GPR89B: variants seen among roughly 807,000 people sequenced by gnomAD.
The protein encoded by GPR89B is G protein-coupled receptor 89B.
A neutral mutation model predicts 52.4 loss-of-function variants in GPR89B; 25 were observed. The ratio of observed to expected loss-of-function variants is 0.48; its 90% CI spans 0.35 to 0.67. GPR89B has a LOEUF of 0.67. Ranked by LOEUF, GPR89B falls within the 30% of genes least tolerant of loss-of-function variation. The pLI is 0.01. For synonymous variants in GPR89B, 52 were observed against 151.2 expected, an observed-to-expected ratio of 0.34 and a Z score of 4.81; for missense variants, 146 against 450.2, an observed-to-expected ratio of 0.32 and a Z score of 6.11.
At chr1:147,944,857 TA>T (rs1434451029) in intron 5 of GPR89B, among the ~76,000 whole-genome samples, 1 of 151,016 alleles carries the variant, frequency 6.6e-6, no homozygotes, top group African/African-American at 2.4e-5. Flanking sequence ...CCATCTGTAA[TA>T]AATATACTAC....
chr1:148,004,808 A>C, the GPR89B span, among the ~76,000 whole-genome samples: 1 of 49,964 alleles, frequency 2.0e-5, no homozygotes, highest in Non-Finnish European at 4.0e-5. Flanking sequence ...GCACTTTGGG[A>C]GGCCAAGGCG....
the GPR89B span, chr1:148,009,250 G>C: frequency 2.0e-6 from 3 of 1,470,824 alleles, no homozygotes; most frequent in African/African-American, 2.8e-5. Flanking sequence ...AAAGTCAGTC[G>C]AAGAAAAGTC....
chr1:148,013,719 A>C, the GPR89B span, among the ~76,000 whole-genome samples: 1 of 152,058 alleles, frequency 6.6e-6, no homozygotes, highest in East Asian at 1.9e-4. Flanking sequence ...GAGAAGCAGC[A>C]AGGGAAGGGG....
At chr1:147,982,008 G>A (rs1381564204) in intron 10 of GPR89B, among the ~76,000 whole-genome samples, 2 of 151,654 alleles carry the variant, frequency 1.3e-5, no homozygotes, top group Non-Finnish European at 2.9e-5. Context: ...TGTATATCTA[G>A]GGGTAGAATT....
At chr1:147,968,854 T>C in intron 8 of GPR89B, 21 bp from the exon 9 acceptor site, 3 of 1,613,194 alleles carry the variant, frequency 1.9e-6, no homozygotes, top group Non-Finnish European at 2.5e-6. Context: ...GATTAAAACC[T>C]TGATGCCCAT....
chr1:147,940,174 C>G (rs1201876511), intron 3 of GPR89B, among the ~76,000 whole-genome samples: 2 of 151,930 alleles, frequency 1.3e-5, no homozygotes, highest in Non-Finnish European at 2.9e-5. Flanking sequence ...GAGGCCAAGG[C>G]GGGCGGATCA....
At chr1:147,988,608 T>C (rs1658838685) in intron 12 of GPR89B, 87 bp downstream of exon 12, 1 of 656,806 alleles carries the variant, frequency 1.5e-6, no homozygotes, top group Non-Finnish European at 2.7e-6. Context: ...CTCACGCCTG[T>C]AATCCCAACA....
At chr1:147,961,413 T>G (rs1323198862) in intron 7 of GPR89B, among the ~76,000 whole-genome samples, 1 of 151,986 alleles carries the variant, frequency 6.6e-6, no homozygotes, top group Non-Finnish European at 1.5e-5. Flanking sequence ...AGAGAAAATC[T>G]TGAAAGCAAC....
At chr1:148,007,416 T>G in the GPR89B span, among the ~76,000 whole-genome samples, 1 of 151,982 alleles carries the variant, frequency 6.6e-6, no homozygotes, top group Non-Finnish European at 1.5e-5. Flanking sequence ...TTGTACATAT[T>G]TATAGGGTGT....
chr1:147,941,099 G>A lies in GPR89B; in HGVS notation c.206+2282G>A, dbSNP rs375015818. Among the ~76,000 whole-genome samples, 1,169 of 150,822 alleles carry A rather than the reference G, an allele frequency of 7.8e-3. 24 individuals carry two copies. The highest frequency in any genetic ancestry group is 0.046 in the East Asian group (238 of 5,122). On this transcript the variant is annotated intron_variant, in intron 3 of 13. Transcript: ENST00000314163. Reference sequence around the variant, plus strand: ...CTGTCCATTGACTGGACTCAGAATCGTTTTGAAAAGAGAATCTTGGCCAGA... The same window carrying A: ...CTGTCCATTGACTGGACTCAGAATCATTTTGAAAAGAGAATCTTGGCCAGA...
At chr1:148,013,768 A>G in the GPR89B span, among the ~76,000 whole-genome samples, 11 of 151,970 alleles carry the variant, frequency 7.2e-5, no homozygotes, top group Admixed American at 7.2e-4. Flanking sequence ...CCTGGGGTTA[A>G]GAGACGTGCA....
chr1:147,939,859 G>A (rs1174735551), intron 3 of GPR89B, among the ~76,000 whole-genome samples: 4 of 151,310 alleles, frequency 2.6e-5, no homozygotes, highest in Non-Finnish European at 4.4e-5. Flanking sequence ...AATCAGCAGA[G>A]TGTGGTAGTA....
At chr1:147,994,399 AAG>A, downstream of GPR89B, 1 of 1,156,032 alleles carries the variant, frequency 8.7e-7, no homozygotes, top group African/African-American at 1.5e-5. Context: ...AGAGTAATGA[AAG>A]AGGGATGATC....
chr1:147,936,920 A>G (rs1236487581), intron 2 of GPR89B, among the ~76,000 whole-genome samples: 21 of 152,118 alleles, frequency 1.4e-4, no homozygotes, highest in African/African-American at 5.1e-4. Context: ...TCTTAGTCAT[A>G]TCAGGATATG....
chr1:147,962,872 G>A (rs1333660118), intron 7 of GPR89B, among the ~76,000 whole-genome samples: 5 of 150,998 alleles, frequency 3.3e-5, no homozygotes, highest in Non-Finnish European at 5.9e-5. Context: ...CTCCAGCCTG[G>A]GCAACAGAGC....
intron 9 of GPR89B, 154 bp from the exon 10 acceptor site, chr1:147,969,713 A>G (rs1657280476): frequency 1.1e-6 from 1 of 927,696 alleles, no homozygotes; most frequent in African/African-American, 1.7e-5. Flanking sequence ...CATTCAGTAA[A>G]TGCTGGCCAC....
chr1:148,005,693 A>T, the GPR89B span, among the ~76,000 whole-genome samples: 1 of 152,156 alleles, frequency 6.6e-6, no homozygotes, highest in Non-Finnish European at 1.5e-5. Flanking sequence ...ATAGGCTATG[A>T]TGCACTATAG....
chr1:147,968,281 A>G (rs1378982279), intron 8 of GPR89B: 8 of 453,758 alleles, frequency 1.8e-5, no homozygotes, highest in Non-Finnish European at 3.5e-5. Flanking sequence ...TTGACTTTGC[A>G]TCTCTATCAA....
intron 12 of GPR89B, among the ~76,000 whole-genome samples, chr1:147,990,744 A>G (rs1659006199): frequency 6.6e-6 from 1 of 151,656 alleles, no homozygotes; most frequent in South Asian, 2.1e-4. Context: ...GGTTTGTCAA[A>G]GAGCAGATGG....
Sources: gnomAD v4.1 joint callset for allele counts (sites outside exome capture counted in the v4.1 genomes callset) on GRCh38, gnomAD v4.1.1 for gene constraint, MANE v1.5 for transcripts, NCBI Gene and HGNC (gene_info 2026-07-23, HGNC 2026-07-21) for gene names.